The following RDX variants were observed in gnomAD, a reference collection of about 807,000 sequenced individuals.
RDX encodes radixin.
A neutral mutation model predicts 83.7 loss-of-function variants in RDX; 32 were observed. The observed-to-expected ratio is 0.38, with a 90% CI of 0.29 to 0.51. RDX has a LOEUF of 0.51. RDX is among the 20% of genes least tolerant of loss of function. RDX has a pLI of 0.87. For missense variants in RDX, 600 were observed against 689.9 expected (o/e 0.87, Z 1.46); for synonymous variants, 229 against 222.7 (o/e 1.03, Z -0.25).
intron 2 of RDX, among the ~76,000 whole-genome samples, chr11:110,278,455 C>A (rs1184438662): frequency 6.6e-6 from 1 of 152,046 alleles, no homozygotes; most frequent in Non-Finnish European, 1.5e-5. Context: ...TTTCTCATAG[C>A]TGGTTTTCAG....
At chr11:110,240,046 A>G (rs889626839) in intron 10 of RDX, among the ~76,000 whole-genome samples, 2 of 151,232 alleles carry the variant, frequency 1.3e-5, no homozygotes, top group Non-Finnish European at 2.9e-5. Context: ...AATAGTATCC[A>G]GCAATATCCA....
In RDX at chr11:110,270,441, G is replaced by A. The variant is rs368313794; in HGVS notation, c.96+2095C>T. Among the ~76,000 whole-genome samples the A allele has an allele frequency of 2.0e-5, 3 of 152,096 alleles. No individual in the cohort carries two copies. The South Asian group carries it at 6.2e-4, about 32-fold the overall frequency. ...CTTACGGGACCACTGTTGCATAAGT[G>A]GCCCGTCACTGATCGAAATGTCATT... is the stretch of plus-strand genomic sequence containing the variant. On this transcript the variant is annotated intron_variant, in intron 3 of 13. Transcript: ENST00000645495.
chr11:110,275,665 C>G (rs1860484529), intron 2 of RDX, among the ~76,000 whole-genome samples: 1 of 152,020 alleles, frequency 6.6e-6, no homozygotes, highest in South Asian at 2.1e-4. Flanking sequence ...AAGAACCTCC[C>G]ATATTGTGGT....
chr11:110,268,094 G>C (rs1860133806), intron 3 of RDX, among the ~76,000 whole-genome samples: 1 of 152,094 alleles, frequency 6.6e-6, no homozygotes, highest in Admixed American at 6.6e-5. Flanking sequence ...TGGATCACAA[G>C]GTCAAGAGTT....
intron 9 of RDX, among the ~76,000 whole-genome samples, chr11:110,251,936 C>T (rs1192670211): frequency 1.3e-5 from 2 of 152,156 alleles, no homozygotes; most frequent in Non-Finnish European, 2.9e-5. Context: ...GAGAGTCTAG[C>T]AGCACAGGCA....
chr11:110,244,723 TTATAAGC>T (rs1865239903), intron 10 of RDX, among the ~76,000 whole-genome samples: 1 of 152,290 alleles, frequency 6.6e-6, no homozygotes, highest in Admixed American at 6.5e-5. Context: ...GGTGTGTAAA[TTATAAGC>T]TATATCTCAA....
intron 9 of RDX, among the ~76,000 whole-genome samples, chr11:110,248,034 T>C (rs935630233): frequency 1.3e-5 from 2 of 152,136 alleles, no homozygotes; most frequent in African/African-American, 2.4e-5. Context: ...AGCTAAGCTA[T>C]GAGGATGCAA....
chr11:110,273,559 C>T (rs1860387835), intron 2 of RDX, among the ~76,000 whole-genome samples: 1 of 152,220 alleles, frequency 6.6e-6, no homozygotes, highest in African/African-American at 2.4e-5. Flanking sequence ...GGAGCACAGG[C>T]GTGTGCCGCC....
intron 1 of RDX, among the ~76,000 whole-genome samples, chr11:110,283,227 C>T (rs890321518): frequency 3.2e-4 from 48 of 152,068 alleles, no homozygotes; most frequent in African/African-American, 1.2e-3. Context: ...GATCTTGGCT[C>T]ACTGCAACCT....
chr11:110,221,794 G>C (rs1364465316), intron 14 of RDX, among the ~76,000 whole-genome samples: 1 of 152,120 alleles, frequency 6.6e-6, no homozygotes, highest in African/African-American at 2.4e-5. Flanking sequence ...TCTCATTTCT[G>C]TATCTCCTGC....
At chr11:110,225,693 C>T (rs183714461), downstream of RDX, among the ~76,000 whole-genome samples, 68 of 152,130 alleles carry the variant, frequency 4.5e-4, no homozygotes, top group African/African-American at 1.4e-3. Flanking sequence ...CCTTGTGCAC[C>T]GCTATGTGAA....
chr11:110,279,391 T>C (rs1412586717), intron 2 of RDX, among the ~76,000 whole-genome samples: 1 of 152,178 alleles, frequency 6.6e-6, no homozygotes, highest in African/African-American at 2.4e-5. Flanking sequence ...CCGGGCATGA[T>C]GGCAGGTGCC....
intron 3 of RDX, among the ~76,000 whole-genome samples, chr11:110,269,429 C>T (rs367702608): frequency 2.0e-5 from 3 of 152,298 alleles, no homozygotes; most frequent in African/African-American, 4.8e-5. Context: ...CAAAGGACTT[C>T]AAGCACTCAG....
At chr11:110,286,805 C>T (rs1338446629) in intron 1 of RDX, among the ~76,000 whole-genome samples, 1 of 152,164 alleles carries the variant, frequency 6.6e-6, no homozygotes, top group Non-Finnish European at 1.5e-5. Flanking sequence ...GCAGTCCAAT[C>T]AACACAATAA....
At chr11:110,182,751 T>A (rs1862912281) in intron 15 of RDX, among the ~76,000 whole-genome samples, 1 of 152,136 alleles carries the variant, frequency 6.6e-6, no homozygotes, top group South Asian at 2.1e-4. Flanking sequence ...TTGACAACCA[T>A]CCCTCAAGGC....
intron 3 of RDX, among the ~76,000 whole-genome samples, chr11:110,269,756 C>A (rs1205709044): frequency 2.0e-5 from 3 of 152,090 alleles, no homozygotes; most frequent in Non-Finnish European, 4.4e-5. Context: ...TAATCTAGAC[C>A]AGGCTGGACG....
At chr11:110,183,248 G>C (rs1195593520) in intron 15 of RDX, among the ~76,000 whole-genome samples, 3 of 152,224 alleles carry the variant, frequency 2.0e-5, no homozygotes, top group African/African-American at 7.2e-5. Context: ...CCAGTGCCCA[G>C]TCTACGTGGA....
At chr11:110,253,816 G>T in intron 9 of RDX, 130 bp downstream of exon 9, 1 of 804,874 alleles carries the variant, frequency 1.2e-6, no homozygotes, top group Non-Finnish European at 2.0e-6. Flanking sequence ...TGATAATACT[G>T]TCTTTGAATT....
At chr11:110,202,272 G>A (rs1192001212) in intron 14 of RDX, among the ~76,000 whole-genome samples, 1 of 151,846 alleles carries the variant, frequency 6.6e-6, no homozygotes, top group Non-Finnish European at 1.5e-5. Flanking sequence ...GCCTGCACCT[G>A]TAGTCCCAGC....
Sources: gnomAD v4.1 joint callset for allele counts (sites outside exome capture counted in the v4.1 genomes callset) on GRCh38, gnomAD v4.1.1 for gene constraint, MANE v1.5 for transcripts, NCBI Gene and HGNC (gene_info 2026-07-23, HGNC 2026-07-21) for gene names.